The following PCDHA3 variants were observed in gnomAD, a reference collection of about 807,000 sequenced individuals.
The protein encoded by PCDHA3 is protocadherin alpha-3.
Under a neutral mutation model 62.2 loss-of-function variants are expected in PCDHA3, and 41 were observed. That is an observed-to-expected ratio of 0.66 (90% CI 0.51 to 0.86). The LOEUF is 0.86. PCDHA3 is among the 40% of genes least tolerant of loss of function. The probability of loss-of-function intolerance (pLI) is 0.00; values close to 1 mark genes in which losing one functional copy is unlikely to be tolerated. For synonymous variants in PCDHA3, 640 were observed against 555.4 expected (o/e 1.15, Z -2.14); for missense variants, 1,304 against 1,241.2 (o/e 1.05, Z -0.76).
chr5:140,928,675 T>C (rs782241604), intron 1 of PCDHA3: 1 of 1,614,210 alleles, frequency 6.2e-7, no homozygotes, highest in South Asian at 1.1e-5. Flanking sequence ...TTCTAATGCC[T>C]GGCTTTCCTA....
chr5:140,824,518 C>T (rs1191370190), intron 1 of PCDHA3: 1 of 218,004 alleles, frequency 4.6e-6, no homozygotes, highest in Non-Finnish European at 9.0e-6. Flanking sequence ...GTGATCTGAT[C>T]ATAGCTCACC....
intron 1 of PCDHA3, chr5:140,809,632 G>C (rs782493933): frequency 6.7e-7 from 1 of 1,502,482 alleles, no homozygotes; most frequent in Non-Finnish European, 8.9e-7. Flanking sequence ...CAACTTCTTC[G>C]TAAATTTATT....
chr5:140,904,877 AC>A (rs2071441380), intron 1 of PCDHA3, among the ~76,000 whole-genome samples: 1 of 151,792 alleles, frequency 6.6e-6, no homozygotes, highest in African/African-American at 2.4e-5. Context: ...TCCTTAGCTC[AC>A]TTTTTGATGG....
chr5:140,816,784 A>T (rs1765989426), intron 1 of PCDHA3: 1 of 150,846 alleles, frequency 6.6e-6, no homozygotes, highest in African/African-American at 2.4e-5. Flanking sequence ...AATTAGAGGG[A>T]TCTGCCAGCT....
chr5:140,969,549 C>G (rs1213967618), intron 1 of PCDHA3: 33 of 1,238,058 alleles, frequency 2.7e-5, no homozygotes, highest in Non-Finnish European at 3.4e-5. Flanking sequence ...AGGCATGAAG[C>G]CTTGTCCATA....
intron 1 of PCDHA3, chr5:140,927,757 A>G (rs957906084): frequency 3.2e-5 from 51 of 1,614,028 alleles, no homozygotes; most frequent in Admixed American, 1.0e-4. Flanking sequence ...CGTGCACCCT[A>G]AAAGTGGGGA....
chr5:141,000,389 C>CTATA (rs2097911342), intron 3 of PCDHA3, among the ~76,000 whole-genome samples: 3 of 62,588 alleles, frequency 4.8e-5, no homozygotes, highest in Non-Finnish European at 8.6e-5. Flanking sequence ...CTCTCTCTCT[C>CTATA]TCTCTCTATA....
In PCDHA3 at chr5:140,927,607, C is replaced by G. The variant is rs558609705; in HGVS notation, c.2395-51342C>G. On this transcript the variant is annotated intron_variant, in intron 1 of 3. Transcript: ENST00000522353. ...GCCTGTATTTGAGCGCTCCGTATACCGCACCAAGGTTCCAGAGACTGCACC... is the reference window on the plus strand; with the variant it reads ...GCCTGTATTTGAGCGCTCCGTATACGGCACCAAGGTTCCAGAGACTGCACC... 1.5e-5 allele frequency: 24 copies of G among 1,614,180 alleles called. 1 individual carries two copies. In the South Asian group the frequency reaches 2.6e-4, roughly 18 times the overall value.
chr5:140,925,647 A>AATAATAATC (rs1477954591), intron 1 of PCDHA3, among the ~76,000 whole-genome samples: 5 of 123,794 alleles, frequency 4.0e-5, no homozygotes, highest in Non-Finnish European at 7.0e-5. Flanking sequence ...AAAGTATAAT[A>AATAATAATC]ATAATAATAA....
In PCDHA3 at chr5:140,842,642, T is replaced by G. The variant is rs1554139236; in HGVS notation, c.2394+39051T>G. Reference sequence around the variant, plus strand: ...GCCTTCGCTGTGGGCCACCGCCAGCTTGTCTGTGGAGGTGGCCGACGTGAA... The same window carrying G: ...GCCTTCGCTGTGGGCCACCGCCAGCGTGTCTGTGGAGGTGGCCGACGTGAA... On this transcript the variant is annotated intron_variant, in intron 1 of 3. Transcript: ENST00000522353. 4.4e-6 allele frequency: 7 copies of G among 1,594,996 alleles called. 1 individual carries two copies. The Admixed American group carries it at 5.1e-5, about 12-fold the overall frequency.
intron 1 of PCDHA3, chr5:140,850,352 C>A: frequency 6.3e-7 from 1 of 1,597,824 alleles, no homozygotes; most frequent in Non-Finnish European, 8.6e-7. Context: ...CCAGCGCGAG[C>A]ATCCCGTTCC....
At chr5:140,869,615 G>T in intron 1 of PCDHA3, 2 of 1,613,858 alleles carry the variant, frequency 1.2e-6, no homozygotes, top group Non-Finnish European at 1.7e-6. Flanking sequence ...TTGACCTACA[G>T]GCTAAGTAAA....
Position 140,883,846 on chromosome 5 carries a change from G to A in PCDHA3, c.2394+80255G>A, listed in dbSNP as rs782516685. On this transcript the variant is annotated intron_variant, in intron 1 of 3. Coordinates refer to ENST00000522353, the MANE Select transcript of PCDHA3 (RefSeq NM_018906.3). ...ACGCGCTGCAGCCGTTGGACCACGA[G>A]GAGCTGGAGCTGTTGCAGTTCCAGG... is the stretch of plus-strand genomic sequence containing the variant. The A allele has an allele frequency of 6.8e-6, 11 of 1,612,790 alleles. 1 individual carries two copies. In the Admixed American group the frequency reaches 1.7e-4, roughly 24 times the overall value.
At chr5:140,982,589 T>C in intron 3 of PCDHA3, 26 bp downstream of exon 3, 1 of 1,610,940 alleles carries the variant, frequency 6.2e-7, no homozygotes, top group Non-Finnish European at 8.5e-7. Context: ...CTCTCCATTC[T>C]TTCTTGGTTT....
At chr5:140,815,977 T>C (rs1431471827) in intron 1 of PCDHA3, 1 of 152,222 alleles carries the variant, frequency 6.6e-6, no homozygotes, top group Non-Finnish European at 1.5e-5. Context: ...TTGTACGTGA[T>C]GAGGCATTTT....
At chr5:140,970,152 A>G (rs899776182) in intron 1 of PCDHA3, among the ~76,000 whole-genome samples, 22 of 152,224 alleles carry the variant, frequency 1.4e-4, no homozygotes, top group Non-Finnish European at 2.5e-4. Flanking sequence ...AATTCTCCCA[A>G]TAGTCACCTT....
rs114181547 is a variant in PCDHA3, at chr5:140,916,746, T to C, written c.2395-62203T>C. Among the ~76,000 whole-genome samples, 1,217 of 152,314 alleles carry C rather than the reference T, an allele frequency of 8.0e-3. 6 individuals carry two copies. Among genetic ancestry groups the C allele is most frequent in the African/African-American group, 0.019 (786 of 41,576 alleles). ...TTTTGTTGCTGCAAGCTTCACTGCC[T>C]GGGATTAGGGGAGGGGTGGCACAAG... On this transcript the variant is annotated intron_variant, in intron 1 of 3. Coordinates refer to ENST00000522353, the MANE Select transcript of PCDHA3 (RefSeq NM_018906.3).
chr5:140,846,853 G>A (rs1277401160), intron 1 of PCDHA3, among the ~76,000 whole-genome samples: 1 of 149,686 alleles, frequency 6.7e-6, no homozygotes, highest in East Asian at 1.9e-4. Flanking sequence ...TGCAAGGCAA[G>A]ATAATGTAAC....
At chr5:140,942,838 A>G (rs2093377015) in intron 1 of PCDHA3, among the ~76,000 whole-genome samples, 1 of 152,198 alleles carries the variant, frequency 6.6e-6, no homozygotes, top group Non-Finnish European at 1.5e-5. Context: ...GTCAATAAAA[A>G]TTCCAGTAAG....
Sources: gnomAD v4.1 joint callset for allele counts (sites outside exome capture counted in the v4.1 genomes callset) on GRCh38, gnomAD v4.1.1 for gene constraint, MANE v1.5 for transcripts, NCBI Gene and HGNC (gene_info 2026-07-23, HGNC 2026-07-21) for gene names.